The following NDUFS7 variants were observed in gnomAD, a reference collection of about 807,000 sequenced individuals.
The protein encoded by NDUFS7 is NADH:ubiquinone oxidoreductase core subunit S7, also known as NADH dehydrogenase [ubiquinone] iron-sulfur protein 7, mitochondrial.
Under a neutral mutation model 31.1 loss-of-function variants are expected in NDUFS7, and 11 were observed. The observed-to-expected ratio is 0.35, with a 90% CI of 0.22 to 0.59. The LOEUF (loss-of-function observed/expected upper bound fraction) is 0.59, where lower values mean the gene tolerates loss of function less well. Ranked by LOEUF, NDUFS7 falls within the 20% of genes least tolerant of loss-of-function variation. NDUFS7 has a pLI of 0.79. For synonymous variants in NDUFS7, 136 were observed against 127.9 expected (o/e 1.06, Z -0.43); for missense variants, 263 against 324.2 (o/e 0.81, Z 1.45).
intron 1 of NDUFS7, among the ~76,000 whole-genome samples, chr19:1,385,267 C>T (rs1037223047): frequency 3.3e-5 from 5 of 152,240 alleles, no homozygotes; most frequent in African/African-American, 1.2e-4. Flanking sequence ...GTAATCCCAG[C>T]ACTTTGGAAG....
chr19:1,384,499 TAA>T (rs1440275662), intron 1 of NDUFS7, among the ~76,000 whole-genome samples: 2 of 152,208 alleles, frequency 1.3e-5, no homozygotes, highest in Non-Finnish European at 2.9e-5. Context: ...TCTGCTCAGA[TAA>T]AGTTATTAAA....
intron 1 of NDUFS7, chr19:1,386,920 C>G (rs1333535138): frequency 6.6e-6 from 1 of 152,504 alleles, no homozygotes; most frequent in Non-Finnish European, 1.5e-5. Flanking sequence ...CCAAGCCTGC[C>G]TTTCTGGATT....
intron 4 of NDUFS7, chr19:1,389,547 G>A (rs774489868): frequency 6.6e-5 from 30 of 456,496 alleles, no homozygotes; most frequent in African/African-American, 3.4e-4. Context: ...TCTTTCTGGC[G>A]TCCGTGTGTT....
intron 2 of NDUFS7, 146 bp from the exon 3 acceptor site, chr19:1,388,379 G>A (rs895179744): frequency 1.1e-5 from 8 of 751,738 alleles, no homozygotes; most frequent in African/African-American, 1.7e-5. Flanking sequence ...TGGCTCCAGC[G>A]GCTCTGGCCA....
chr19:1,393,661 G>A lies in NDUFS7; in HGVS notation c.544+331G>A. The A allele has an allele frequency of 1.7e-6, 1 of 593,658 alleles. No individual in the cohort carries two copies. Among genetic ancestry groups the A allele is most frequent in the Non-Finnish European group, 3.0e-6 (1 of 331,934 alleles). 36.8% of individuals were successfully genotyped at this position (593,658 alleles called of 1,614,324 possible). ...AATACCAAGCGAGAAGGTTCCTGGG[G>A]GCCAAGGACACTGTCCCGCGCCCTC... On this transcript the variant is annotated intron_variant, in intron 7 of 7. Coordinates refer to ENST00000233627, the MANE Select transcript of NDUFS7 (RefSeq NM_024407.5). This position sits in a 1 kb window ranked among gnomAD's most constrained non-coding sequence, Gnocchi z 7.3.
At chr19:1,391,403 C>G (rs1223304632) in intron 6 of NDUFS7, among the ~76,000 whole-genome samples, 1 of 152,114 alleles carries the variant, frequency 6.6e-6, no homozygotes, top group African/African-American at 2.4e-5. Flanking sequence ...GCCCAGTTCT[C>G]TGCTTTACTC....
At chr19:1,389,318 C>A (rs1814973454) in intron 4 of NDUFS7, 1 of 477,414 alleles carries the variant, frequency 2.1e-6, no homozygotes, top group Non-Finnish European at 4.1e-6. Flanking sequence ...CATGCACACA[C>A]ATGCACACTC....
At chr19:1,392,995 C>A (rs1325012088) in intron 6 of NDUFS7, 1 of 583,788 alleles carries the variant, frequency 1.7e-6, no homozygotes, top group Non-Finnish European at 3.1e-6. Flanking sequence ...AATCGGTGGT[C>A]AGGAGCCCCC....
In NDUFS7 at chr19:1,387,722, C is replaced by T. The variant is rs530953010; in HGVS notation, c.17-89C>T. 8.7e-5 allele frequency: 105 copies of T among 1,210,576 alleles called. 1 individual carries two copies. Among genetic ancestry groups the T allele is most frequent in the South Asian group, 5.1e-4 (42 of 81,846 alleles). 75.0% of individuals were successfully genotyped at this position (1,210,576 alleles called of 1,614,324 possible). The stretch of plus-strand genomic sequence containing the variant: ...GAGTTGGGATCAGAGCTAGGCTGTG[C>T]GGGCAGGAGCCTGATGGGGAAGCGC... On this transcript the variant is annotated intron_variant, in intron 1 of 7. Coordinates refer to ENST00000233627, the MANE Select transcript of NDUFS7 (RefSeq NM_024407.5).
intron 1 of NDUFS7, chr19:1,386,538 C>G (rs971129175): frequency 6.6e-6 from 1 of 152,252 alleles, no homozygotes. Context: ...CCTCTGTCAC[C>G]CAAGCTGGAG....
intron 7 of NDUFS7, chr19:1,394,909 A>C: frequency 9.0e-7 from 1 of 1,115,784 alleles, no homozygotes; most frequent in South Asian, 2.2e-5. Context: ...TCCCCAGCAA[A>C]GAGCTCTGGC....
chr19:1,388,722 C>G (rs558627153), intron 3 of NDUFS7, 111 bp from the exon 4 acceptor site: 1 of 1,428,444 alleles, frequency 7.0e-7, no homozygotes, highest in East Asian at 2.5e-5. Context: ...CATCCCAGTC[C>G]CTGACCTCAT....
At chr19:1,394,176 G>A (rs137871858) in intron 7 of NDUFS7, 55 of 367,746 alleles carry the variant, frequency 1.5e-4, no homozygotes, top group African/African-American at 1.0e-3. Context: ...CAAAAGTGGA[G>A]GAACAGGCTC....
Position 1,388,507 on chromosome 19 carries a change from C to A in NDUFS7, c.54-18C>A, listed in dbSNP as rs115835616. ...GGGGCCTGGGACAGCCACTGACCCG[C>A]GTTCCATCTCCCGGCAGCTCCAGCG... On this transcript the variant is annotated intron_variant, in intron 2 of 7. Transcript: ENST00000233627. The A allele has an allele frequency of 1.9e-6, 3 of 1,610,140 alleles. No homozygotes were observed. The highest frequency in any genetic ancestry group is 1.1e-5 in the South Asian group (1 of 90,954).
chr19:1,385,572 A>C (rs1029694172), intron 1 of NDUFS7, among the ~76,000 whole-genome samples: 1 of 151,938 alleles, frequency 6.6e-6, no homozygotes, highest in African/African-American at 2.4e-5. Flanking sequence ...TAATCCCAGC[A>C]CTTTGGGAGG....
chr19:1,388,176 G>A, intron 2 of NDUFS7: 1 of 587,602 alleles, frequency 1.7e-6, no homozygotes, highest in South Asian at 2.0e-5. Context: ...GCAGACCCAG[G>A]TGACTGACAG....
rs536671984 is a variant in NDUFS7, at chr19:1,393,301, G to T, written c.515G>T (p.Arg172Leu). ...YSYSVVRGCD[R>L]IVPVDIYIPG... ...TACTCGGTGGTGAGGGGCTGCGACCGCATCGTGCCCGTGGACATCTACATC... is the reference window on the plus strand; with the variant it reads ...TACTCGGTGGTGAGGGGCTGCGACCTCATCGTGCCCGTGGACATCTACATC... The change falls in exon 7 of 8, where the codon CGC becomes CTC. Residue 172 changes from arginine (R) to leucine (L), a missense_variant. Physicochemically the swap from Arg to Leu is moderately radical, Grantham distance 102. Transcript: ENST00000233627. This position sits in a 1 kb window ranked among gnomAD's most constrained non-coding sequence, Gnocchi z 7.3. 8.8e-6 allele frequency: 14 copies of T among 1,587,448 alleles called. No individual in the cohort carries two copies. Among genetic ancestry groups the T allele is most frequent in the East Asian group, 4.6e-5 (2 of 43,564 alleles).
chr19:1,387,329 T>C (rs1350243075), intron 1 of NDUFS7, among the ~76,000 whole-genome samples: 3 of 152,180 alleles, frequency 2.0e-5, no homozygotes, highest in Admixed American at 6.5e-5. Context: ...CAAGCACGCA[T>C]AGATGGAGAT....
At chr19:1,385,026 G>T (rs1393834688) in intron 1 of NDUFS7, among the ~76,000 whole-genome samples, 2 of 152,086 alleles carry the variant, frequency 1.3e-5, no homozygotes, top group Non-Finnish European at 2.9e-5. Flanking sequence ...CTGTTGCCCA[G>T]GCTGGTCTCG....
Sources: allele counts gnomAD v4.1 joint callset (sites outside exome capture counted in the v4.1 genomes callset), GRCh38; gene constraint gnomAD v4.1.1; non-coding constraint Gnocchi (gnomAD v3.1); transcripts MANE v1.5; gene names NCBI Gene and HGNC (gene_info 2026-07-23, HGNC 2026-07-21).